DST: variants seen among roughly 807,000 people sequenced by gnomAD.
DST encodes dystonin, also known as bullous pemphigoid antigen.
A neutral mutation model predicts 875.2 loss-of-function variants in DST; 253 were observed. The ratio of observed to expected loss-of-function variants is 0.29; its 90% CI spans 0.26 to 0.32. The LOEUF (loss-of-function observed/expected upper bound fraction) is 0.32, where lower values mean the gene tolerates loss of function less well. Ranked by LOEUF, DST falls within the 10% of genes least tolerant of loss-of-function variation. The probability of loss-of-function intolerance (pLI) is 1.00; values close to 1 mark genes in which losing one functional copy is unlikely to be tolerated. For synonymous variants in DST, 3,124 were observed against 3,197.1 expected, an observed-to-expected ratio of 0.98 and a Z score of 0.77; for missense variants, 8,287 against 9,111.6, an observed-to-expected ratio of 0.91 and a Z score of 3.68.
intron 2 of DST, among the ~76,000 whole-genome samples, chr6:56,909,722 G>A (rs1440950888): frequency 2.0e-5 from 3 of 152,206 alleles, no homozygotes; most frequent in Non-Finnish European, 4.4e-5. Context: ...ATAGGGCTAA[G>A]AATCTGCATT....
intron 10 of DST, among the ~76,000 whole-genome samples, chr6:56,667,716 A>T (rs547603009): frequency 1.1e-4 from 16 of 152,260 alleles, no homozygotes; most frequent in African/African-American, 3.6e-4. Flanking sequence ...TCTCACCTAA[A>T]GCAGTAAGAG....
intron 4 of DST, among the ~76,000 whole-genome samples, chr6:56,850,404 G>A (rs1340461681): frequency 7.4e-6 from 1 of 134,754 alleles, no homozygotes; most frequent in Non-Finnish European, 1.6e-5. Context: ...ATACAGTATA[G>A]GAGGCAAAAA....
intron 2 of DST, among the ~76,000 whole-genome samples, chr6:56,930,612 G>C (rs1262877817): frequency 6.6e-6 from 1 of 152,126 alleles, no homozygotes; most frequent in Admixed American, 6.5e-5. Flanking sequence ...AATTCAGAGA[G>C]TATCCACTTG....
In DST at chr6:56,598,567, A is replaced by G. The variant is rs1475439102; in HGVS notation, c.11837T>C (p.Ile3946Thr). ...LIEQKLNEAK[I>T]KCEQLNLKAE... is the part of the protein sequence containing the mutation. ...TTTTAAATTAAGCTGTTCACACTTTATCTTAGCTTCATTAAGTTTCTGTTC... is the reference window on the plus strand; with the variant it reads ...TTTTAAATTAAGCTGTTCACACTTTGTCTTAGCTTCATTAAGTTTCTGTTC... The change falls in exon 46 of 104, where the codon ATA (isoleucine) becomes ACA (threonine). Residue 3946 changes from isoleucine (I) to threonine (T), a missense_variant. Coordinates refer to ENST00000680361, the MANE Select transcript of DST (RefSeq NM_001374736.1). 6.2e-7 allele frequency: 1 copy of G among 1,612,494 alleles called. No homozygotes were observed. The highest frequency in any genetic ancestry group is 8.5e-7 in the Non-Finnish European group (1 of 1,179,062).
intron 3 of DST, among the ~76,000 whole-genome samples, chr6:56,886,169 GTCAAATGGAA>G (rs1385735807): frequency 2.6e-5 from 4 of 152,168 alleles, no homozygotes; most frequent in Non-Finnish European, 5.9e-5. Flanking sequence ...AATTCCTCCA[GTCAAATGGAA>G]TCTATATTCT....
At chr6:56,755,525 T>C (rs2099599919) in intron 4 of DST, among the ~76,000 whole-genome samples, 1 of 152,200 alleles carries the variant, frequency 6.6e-6, no homozygotes, top group African/African-American at 2.4e-5. Context: ...ACTGAGGTAC[T>C]ACTCAATGAG....
At chr6:56,653,246 G>A (rs897702734) in intron 10 of DST, among the ~76,000 whole-genome samples, 10 of 152,142 alleles carry the variant, frequency 6.6e-5, no homozygotes, top group Admixed American at 4.6e-4. Flanking sequence ...AGCAGCTGTA[G>A]AATACAATGA....
chr6:56,736,161 A>T (rs942703370), intron 4 of DST, among the ~76,000 whole-genome samples: 1 of 152,138 alleles, frequency 6.6e-6, no homozygotes, highest in African/African-American at 2.4e-5. Flanking sequence ...AAGTGCTGGG[A>T]TTACAGACGT....
intron 72 of DST, among the ~76,000 whole-genome samples, chr6:56,514,749 C>T (rs2096557430): frequency 6.6e-6 from 1 of 152,098 alleles, no homozygotes; most frequent in South Asian, 2.1e-4. Context: ...GTCTGGAATG[C>T]TCTCTCACAT....
chr6:56,541,718 C>G (rs1287973841), intron 61 of DST: 3 of 152,158 alleles, frequency 2.0e-5, no homozygotes, highest in African/African-American at 7.2e-5. Context: ...TTTCATAATA[C>G]ATGAGGTGTT....
At chr6:56,763,953 A>G (rs1255280700) in intron 4 of DST, among the ~76,000 whole-genome samples, 1 of 152,106 alleles carries the variant, frequency 6.6e-6, no homozygotes, top group Non-Finnish European at 1.5e-5. Context: ...CATACTATAA[A>G]TATACAGATT....
At chr6:56,931,720 A>AAAATTTGAC (rs1810332160) in intron 2 of DST, among the ~76,000 whole-genome samples, 2 of 152,216 alleles carry the variant, frequency 1.3e-5, no homozygotes, top group Admixed American at 6.5e-5. Flanking sequence ...TCGGAGCTTT[A>AAAATTTGAC]AAATTTGACT....
intron 5 of DST, among the ~76,000 whole-genome samples, chr6:56,724,000 ATCT>A (rs1022729380): frequency 2.0e-5 from 3 of 152,218 alleles, no homozygotes; most frequent in African/African-American, 7.2e-5. Flanking sequence ...TTTTTATTTA[ATCT>A]TCTCAACACT....
chr6:56,526,317 C>G, intron 69 of DST, 44 bp downstream of exon 69: 2 of 1,591,342 alleles, frequency 1.3e-6, no homozygotes, highest in Non-Finnish European at 8.6e-7. Flanking sequence ...CCAAGAACAG[C>G]TGGAGAAAAT....
intron 2 of DST, among the ~76,000 whole-genome samples, chr6:56,932,374 C>T (rs1223634873): frequency 1.3e-5 from 2 of 152,058 alleles, no homozygotes; most frequent in African/African-American, 4.8e-5. Flanking sequence ...GTCTTCCAAA[C>T]CTAGTCTCAA....
chr6:56,736,295 C>A (rs1273201489), intron 4 of DST, among the ~76,000 whole-genome samples: 2 of 152,116 alleles, frequency 1.3e-5, no homozygotes, highest in African/African-American at 4.8e-5. Context: ...CTATAGACAG[C>A]ACAAAGAAGA....
At chr6:56,650,032 C>G (rs2098965761) in intron 12 of DST, among the ~76,000 whole-genome samples, 1 of 152,028 alleles carries the variant, frequency 6.6e-6, no homozygotes, top group Non-Finnish European at 1.5e-5. Context: ...GAACAGGCTA[C>G]TCAGGGATCA....
In DST at chr6:56,604,364, T is replaced by C. The variant is rs184129299; in HGVS notation, c.10264A>G (p.Asn3422Asp). The change falls in exon 40 of 104, where the codon AAC (asparagine) becomes GAC (aspartate). Residue 3422 changes from asparagine to aspartate, a missense_variant. Asn to Asp is a conservative substitution (Grantham distance 23, BLOSUM62 1). This residue lies in a region of DST where 3,138 missense variants were observed against 3,116.6 expected (regional missense o/e 1.01). Transcript: ENST00000680361. ...SDSSGVSPMTNSSELKPESRD... is the reference protein window; with the variant it reads ...SDSSGVSPMTDSSELKPESRD... ...CTTTCTGGCTTTAGTTCTGATGAGT[T>C]AGTCATGGGGGAAACTCCAGAAGAG... The C allele has an allele frequency of 6.8e-6, 11 of 1,612,122 alleles. No homozygotes were observed. The highest frequency in any genetic ancestry group is 9.3e-6 in the Non-Finnish European group (11 of 1,179,016).
intron 3 of DST, among the ~76,000 whole-genome samples, chr6:56,880,116 T>C (rs1165302063): frequency 6.6e-6 from 1 of 152,264 alleles, no homozygotes; most frequent in Non-Finnish European, 1.5e-5. Flanking sequence ...TAACTGAATG[T>C]ATGATTTTCC....
Sources: allele counts gnomAD v4.1 joint callset (sites outside exome capture counted in the v4.1 genomes callset), GRCh38; gene constraint gnomAD v4.1.1; regional missense constraint gnomAD v4.1.1; transcripts MANE v1.5; gene names NCBI Gene and HGNC (gene_info 2026-07-23, HGNC 2026-07-21).